The following RPGR variants were observed in gnomAD, a reference collection of about 807,000 sequenced individuals.
The protein encoded by RPGR is X-linked retinitis pigmentosa GTPase regulator.
In RPGR, 10 loss-of-function variants were observed where a neutral mutation model predicts 56.3. That is an observed-to-expected ratio of 0.18 (90% CI 0.11 to 0.30). RPGR has a LOEUF of 0.30. Ranked by LOEUF, RPGR falls within the 10% of genes least tolerant of loss-of-function variation. The probability of loss-of-function intolerance (pLI) is 1.00; values close to 1 mark genes in which losing one functional copy is unlikely to be tolerated. For missense variants in RPGR, 538 were observed against 590.9 expected (o/e 0.91, Z 0.93); for synonymous variants, 197 against 212.9 (o/e 0.93, Z 0.65).
chrX:38,287,762 G>A (rs749068128), intron 14 of RPGR, 99 bp downstream of exon 14: 1 of 797,750 alleles, frequency 1.3e-6, no homozygotes, highest in East Asian at 3.1e-5. Flanking sequence ...TTAGCATCAA[G>A]TTGATCAACA....
In RPGR at chrX:38,301,516, A is replaced by C. The variant is rs781740100; in HGVS notation, c.935-145T>G. 6.4e-5 allele frequency: 31 copies of C among 481,119 alleles called. No individual in the cohort carries two copies. In the South Asian group the frequency reaches 9.8e-4, roughly 15 times the overall value. The allele number at this position is 481,119 out of a possible 1,213,427, so 39.6% of individuals were successfully genotyped here. A position where few individuals can be genotyped will look rare whatever the true frequency, so the allele number is the denominator to read the frequency against. On this transcript the variant is annotated intron_variant, in intron 8 of 18. Coordinates refer to ENST00000642395, the MANE Select transcript of RPGR (RefSeq NM_000328.3). ...GAATTTACTCTATTGATCTTTCCAC[A>C]CTCTCTATGGTCTCTGTGGTCCTGC...
Position 38,310,606 on chromosome X carries a change from C to T in RPGR, c.778+9G>A. The T allele has an allele frequency of 8.3e-7, 1 of 1,210,612 alleles. No homozygotes were observed. Among genetic ancestry groups the T allele is most frequent in the Non-Finnish European group, 1.1e-6 (1 of 894,749 alleles). On this transcript the variant is annotated intron_variant, in intron 7 of 18. Coordinates refer to ENST00000642395, the MANE Select transcript of RPGR (RefSeq NM_000328.3). ...ACGCAGGGAACAGAACAGTGGACTC[C>T]ACACATACCCGTGAGAACCACAGTA... is the stretch of plus-strand genomic sequence containing the variant.
intron 18 of RPGR, among the ~76,000 whole-genome samples, chrX:38,271,343 A>G (rs1387439016): frequency 1.8e-5 from 2 of 112,123 alleles, no homozygotes; most frequent in Non-Finnish European, 3.8e-5. Context: ...AGAAATGCTG[A>G]TTAAGTATAA....
At position 38,269,448 on chromosome X, in the gene RPGR, G is replaced by T; in HGVS notation, c.*178C>A. 2.5e-6 allele frequency: 1 copy of T among 399,196 alleles called. No homozygotes were observed. Among genetic ancestry groups the T allele is most frequent in the Admixed American group, 4.5e-5 (1 of 22,278 alleles). 32.9% of individuals were successfully genotyped at this position (399,196 alleles called of 1,213,427 possible). The stretch of plus-strand genomic sequence containing the variant: ...AGATACACATATTTTGAAATGACTT[G>T]TTAAAAATATTAGCATAAATAAATA... On this transcript the variant is annotated 3_prime_UTR_variant, in exon 19 of 19. Transcript: ENST00000642395.
Position 38,327,084 on chromosome X carries a change from C to T in RPGR, c.28+256G>A, listed in dbSNP as rs747090238. 1.4e-3 allele frequency: 474 copies of T among 336,653 alleles called. 2 individuals are homozygous for T. The highest frequency in any genetic ancestry group is 0.012 in the African/African-American group (424 of 36,343). 27.7% of individuals were successfully genotyped at this position (336,653 alleles called of 1,213,427 possible). Reference sequence around the variant, plus strand: ...TAAAAAAAAAAAAAAAGTGTCCCTGCCTTCAAGAAGCTCATCAAGAGCTTA... The same window carrying T: ...TAAAAAAAAAAAAAAAGTGTCCCTGTCTTCAAGAAGCTCATCAAGAGCTTA... On this transcript the variant is annotated intron_variant, in intron 1 of 18. Coordinates refer to ENST00000642395, the MANE Select transcript of RPGR (RefSeq NM_000328.3).
Position 38,276,572 on chromosome X carries a change from C to A in RPGR, c.2091+15G>T, listed in dbSNP as rs774325266. The A allele has an allele frequency of 2.5e-6, 3 of 1,204,882 alleles. No homozygotes were observed. In the South Asian group the frequency reaches 5.3e-5, roughly 21 times the overall value. ...TTCTCCCAGGATCTCAGGATTTAAG[C>A]ATCTATCATCATACCTTTTCAATAG... On this transcript the variant is annotated intron_variant, in intron 16 of 18. Transcript: ENST00000642395.
chrX:38,317,495 G>A (rs780586981), intron 5 of RPGR, 30 bp from the exon 6 acceptor site: 1 of 1,149,231 alleles, frequency 8.7e-7, no homozygotes, highest in South Asian at 1.9e-5. Context: ...GGGGAGAAAA[G>A]GTTTTAAAAG....
chrX:38,291,489 A>AT lies in RPGR; in HGVS notation c.1415-6dup. On this transcript the variant is annotated splice_region_variant and splice_polypyrimidine_tract_variant and intron_variant, in intron 11 of 18. Transcript: ENST00000642395. ...TCATTTCATCTAGCAAATAATCTGA[A>AT]TGATTAAATGGGAAAAAGGAAATCC... is the stretch of plus-strand genomic sequence containing the variant. 2 of 1,028,008 alleles carry AT rather than the reference A, an allele frequency of 1.9e-6. No individual in the cohort carries two copies. The highest frequency in any genetic ancestry group is 2.7e-6 in the Non-Finnish European group (2 of 731,487). The allele number at this position is 1,028,008 out of a possible 1,213,427, so 84.7% of individuals were successfully genotyped here. A position where few individuals can be genotyped will look rare whatever the true frequency, so the allele number is the denominator to read the frequency against.
chrX:38,317,486 G>A, intron 5 of RPGR, 21 bp from the exon 6 acceptor site: 1 of 1,191,864 alleles, frequency 8.4e-7, no homozygotes, highest in Non-Finnish European at 1.1e-6. Flanking sequence ...AAATAAAAGG[G>A]GGAGAAAAGG....
At chrX:38,286,158 C>CTCCCCGTCTCCATCCTCCCCT in intron 15 of RPGR, 1 of 599,496 alleles carries the variant, frequency 1.7e-6, no homozygotes, top group Non-Finnish European at 2.1e-6. Context: ...CCTCTTCCCC[C>CTCCCCGTCTCCATCCTCCCCT]TCCCCTTCTC....
At chrX:38,274,997 T>C in intron 17 of RPGR, 1 of 718,378 alleles carries the variant, frequency 1.4e-6, no homozygotes, top group Non-Finnish European at 2.2e-6. Flanking sequence ...AACTTATATG[T>C]AAGCTTATAA....
chrX:38,296,904 T>C (rs1053477555), intron 11 of RPGR, among the ~76,000 whole-genome samples: 15 of 111,536 alleles, frequency 1.3e-4, no homozygotes, highest in Non-Finnish European at 2.6e-4. Flanking sequence ...ACTTCGTTTA[T>C]AAGCTGAGTG....
chrX:38,284,382 C>T, intron 15 of RPGR, 26 bp downstream of exon 15: 1 of 649,673 alleles, frequency 1.5e-6, no homozygotes, highest in Non-Finnish European at 1.8e-6. Flanking sequence ...GACAGTTTAT[C>T]TTTTCATAAA....
intron 1 of RPGR, 82 bp downstream of exon 1, chrX:38,327,258 A>G (rs1224688248): frequency 7.8e-6 from 8 of 1,026,059 alleles, no homozygotes; most frequent in Non-Finnish European, 9.2e-6. Flanking sequence ...CTGTCCCCCT[A>G]CAGGGCCGAT....
At chrX:38,314,114 G>C (rs1386730579) in intron 6 of RPGR, among the ~76,000 whole-genome samples, 1 of 111,217 alleles carries the variant, frequency 9.0e-6, no homozygotes, top group Non-Finnish European at 1.9e-5. Flanking sequence ...TACAATTTGT[G>C]ATGGGCGGCA....
At chrX:38,325,633 T>A (rs2068035785) in intron 1 of RPGR, 1 of 112,115 alleles carries the variant, frequency 8.9e-6, no homozygotes, top group Non-Finnish European at 1.9e-5. Flanking sequence ...TGTCTTTTTC[T>A]CTTTCCAGAA....
At chrX:38,270,234 G>A (rs1165636115) in intron 18 of RPGR, among the ~76,000 whole-genome samples, 1 of 110,572 alleles carries the variant, frequency 9.0e-6, no homozygotes. Flanking sequence ...TCAGTGTATC[G>A]CAGCTACAGT....
Position 38,291,129 on chromosome X carries a change from T to TTA in RPGR, c.1507-107_1507-106dup, listed in dbSNP as rs1168785516. ...TATATTTTCAATTATATATATTTTT[T>TTA]TATATATATATATATATAAAATGAA... is the stretch of plus-strand genomic sequence containing the variant. On this transcript the variant is annotated intron_variant, in intron 12 of 18. Coordinates refer to ENST00000642395, the MANE Select transcript of RPGR (RefSeq NM_000328.3). The TTA allele has an allele frequency of 6.0e-3, 925 of 155,429 alleles. 9 individuals are homozygous for TTA. The highest frequency in any genetic ancestry group is 0.023 in the African/African-American group (666 of 28,597). 12.8% of individuals were successfully genotyped at this position (155,429 alleles called of 1,213,427 possible). A position where few individuals can be genotyped will look rare whatever the true frequency, so the allele number is the denominator to read the frequency against.
At chrX:38,306,148 G>A (rs944437764) in intron 7 of RPGR, among the ~76,000 whole-genome samples, 2 of 111,982 alleles carry the variant, frequency 1.8e-5, no homozygotes, top group African/African-American at 6.5e-5. Flanking sequence ...AGTACACTGA[G>A]TTTTGTACTT....
Sources: allele counts gnomAD v4.1 joint callset (sites outside exome capture counted in the v4.1 genomes callset), GRCh38; gene constraint gnomAD v4.1.1; transcripts MANE v1.5; gene names NCBI Gene and HGNC (gene_info 2026-07-23, HGNC 2026-07-21).